HPSE2: variants seen among roughly 807,000 people sequenced by gnomAD.
The protein encoded by HPSE2 is heparanase 2 (inactive), also known as inactive heparanase-2.
In HPSE2, 38 loss-of-function variants were observed where a neutral mutation model predicts 60.5. That is an observed-to-expected ratio of 0.63 (90% CI 0.48 to 0.82). The LOEUF (loss-of-function observed/expected upper bound fraction) is 0.82. Ranked by LOEUF, HPSE2 falls within the 40% of genes least tolerant of loss-of-function variation. The probability of loss-of-function intolerance (pLI) is 0.00; values close to 1 mark genes in which losing one functional copy is unlikely to be tolerated. For synonymous variants in HPSE2, 295 were observed against 293.2 expected (o/e 1.01, Z -0.06); for missense variants, 713 against 740.4 (o/e 0.96, Z 0.43).
At chr10:98,582,360 T>G (rs1358568505) in intron 9 of HPSE2, among the ~76,000 whole-genome samples, 2 of 152,254 alleles carry the variant, frequency 1.3e-5, no homozygotes, top group Non-Finnish European at 2.9e-5. Context: ...TCAACTGTTT[T>G]AATACTATAA....
intron 9 of HPSE2, among the ~76,000 whole-genome samples, chr10:98,553,778 T>C (rs1200503006): frequency 6.6e-6 from 1 of 152,206 alleles, no homozygotes; most frequent in Non-Finnish European, 1.5e-5. Context: ...CTGTCACTGA[T>C]GATTGCTATT....
Position 98,490,116 on chromosome 10 carries a change from C to G in HPSE2, c.1401G>C (p.Lys467Asn). The G allele has an allele frequency of 6.2e-7, 1 of 1,614,236 alleles. No homozygotes were observed. Among genetic ancestry groups the G allele is most frequent in the Non-Finnish European group, 8.5e-7 (1 of 1,180,048 alleles). ...LAVHVAGLQR[K>N]PRPGRVIRDK... The stretch of plus-strand genomic sequence containing the variant: ...CCCGGATCACTCGGCCAGGCCGTGG[C>G]TTCCGCTGGAGCCCAGCCACATGCA... The change falls in exon 10 of 12, where the codon AAG becomes AAC. Residue 467 changes from lysine (K) to asparagine (N), a missense_variant. Lys to Asn is a moderately conservative substitution (Grantham distance 94, BLOSUM62 0). Coordinates refer to ENST00000370552, the MANE Select transcript of HPSE2 (RefSeq NM_021828.5).
At chr10:98,564,702 A>G (rs1944289323) in intron 9 of HPSE2, among the ~76,000 whole-genome samples, 1 of 152,196 alleles carries the variant, frequency 6.6e-6, no homozygotes, top group Admixed American at 6.5e-5. Flanking sequence ...GTTAAACTAA[A>G]CCAAACAAAC....
At chr10:99,026,039 A>G (rs1957370122) in intron 3 of HPSE2, among the ~76,000 whole-genome samples, 1 of 152,110 alleles carries the variant, frequency 6.6e-6, no homozygotes, top group South Asian at 2.1e-4. Context: ...CTAGAGGAAC[A>G]CAGGAAGGAA....
At position 98,990,286 on chromosome 10, in the gene HPSE2, G is replaced by A. The variant is rs991782037; in HGVS notation, c.610+153952C>T. Among the ~76,000 whole-genome samples, 3 of 152,206 alleles carry A rather than the reference G, an allele frequency of 2.0e-5. No individual in the cohort carries two copies. The East Asian group carries it at 5.8e-4, about 29-fold the overall frequency. ...AATCTGTATTTGTAGCCACTCTCCA[G>A]CACTAGCACCACTGCCTCAGCTCCA... On this transcript the variant is annotated intron_variant, in intron 3 of 11. Transcript: ENST00000370552.
At chr10:98,716,442 A>T (rs7100470) in intron 5 of HPSE2, among the ~76,000 whole-genome samples, 26,562 of 148,186 alleles carry the variant, frequency 0.18, 2,809 homozygotes, top group African/African-American at 0.26. Context: ...ATAATAATAA[A>T]AAATAAATAA....
intron 9 of HPSE2, among the ~76,000 whole-genome samples, chr10:98,587,672 T>C (rs1051889913): frequency 2.0e-5 from 3 of 152,316 alleles, no homozygotes; most frequent in South Asian, 2.1e-4. Flanking sequence ...TGAAACTAGA[T>C]GAACTTCAGT....
At chr10:99,175,202 C>A (rs890176867) in intron 2 of HPSE2, among the ~76,000 whole-genome samples, 3 of 152,222 alleles carry the variant, frequency 2.0e-5, no homozygotes, top group African/African-American at 7.2e-5. Flanking sequence ...TGGGCAGACA[C>A]CAAGCTAGCT....
chr10:99,265,049 T>C, the HPSE2 span, among the ~76,000 whole-genome samples: 187 of 152,182 alleles, frequency 1.2e-3, 5 homozygotes, highest in Non-Finnish European at 3.4e-4. Flanking sequence ...GACCTGCACA[T>C]ATACATCCAA....
In HPSE2 at chr10:99,180,488, C is replaced by A. The variant is rs188349209; in HGVS notation, c.449-36089G>T. On this transcript the variant is annotated intron_variant, in intron 2 of 11. Transcript: ENST00000370552. ...CAAAAGAAGACATTTATGCAGCCAA[C>A]AAACATATGAAAAAAAGCTCCTATC... is the stretch of plus-strand genomic sequence containing the variant. 2.0e-5 allele frequency among the ~76,000 whole-genome samples: 3 copies of A among 152,188 alleles called. No homozygotes were observed. In the East Asian group the frequency reaches 5.8e-4, roughly 29 times the overall value.
chr10:98,749,364 G>A (rs994060711), intron 3 of HPSE2, among the ~76,000 whole-genome samples: 2 of 151,344 alleles, frequency 1.3e-5, no homozygotes, highest in Non-Finnish European at 2.9e-5. Flanking sequence ...ACATATGCAT[G>A]CATATATATC....
At chr10:98,545,181 G>C (rs1249532008) in intron 9 of HPSE2, among the ~76,000 whole-genome samples, 1 of 151,858 alleles carries the variant, frequency 6.6e-6, no homozygotes, top group Non-Finnish European at 1.5e-5. Context: ...CAAACAAAAA[G>C]AGTCCAGGAC....
chr10:99,305,652 G>A, the HPSE2 span, among the ~76,000 whole-genome samples: 11 of 152,076 alleles, frequency 7.2e-5, no homozygotes, highest in Non-Finnish European at 1.6e-4. Context: ...TTACATGGCT[G>A]ATAACCAATA....
intron 9 of HPSE2, among the ~76,000 whole-genome samples, chr10:98,492,854 T>C: frequency 6.6e-6 from 1 of 152,248 alleles, no homozygotes; most frequent in East Asian, 1.9e-4. Flanking sequence ...ATCTTAACCA[T>C]TTTTAAGTGT....
At chr10:98,595,164 ATTTTTTTT>A (rs34509249) in intron 9 of HPSE2, among the ~76,000 whole-genome samples, 4 of 91,688 alleles carry the variant, frequency 4.4e-5, no homozygotes, top group Admixed American at 1.3e-4. Context: ...TATAAATGAG[ATTTTTTTT>A]TTTTTTTTTT....
intron 3 of HPSE2, among the ~76,000 whole-genome samples, chr10:98,757,371 AGAAGTGAG>A (rs1429830281): frequency 6.6e-6 from 1 of 152,074 alleles, no homozygotes; most frequent in Non-Finnish European, 1.5e-5. Flanking sequence ...CATCTAAATA[AGAAGTGAG>A]GAAGTTCAAA....
chr10:98,890,310 TG>T (rs1442780439), intron 3 of HPSE2, among the ~76,000 whole-genome samples: 4 of 152,082 alleles, frequency 2.6e-5, no homozygotes, highest in Admixed American at 1.3e-4. Context: ...AAAAAATAAC[TG>T]AAAAAAACCT....
At chr10:98,509,771 A>C (rs1296169923) in intron 9 of HPSE2, among the ~76,000 whole-genome samples, 2 of 152,146 alleles carry the variant, frequency 1.3e-5, no homozygotes. Context: ...AAGTGCTGAG[A>C]TTATAGGCGT....
At chr10:98,488,392 A>G (rs982405831) in intron 10 of HPSE2, among the ~76,000 whole-genome samples, 6 of 152,152 alleles carry the variant, frequency 3.9e-5, no homozygotes, top group Non-Finnish European at 8.8e-5. Flanking sequence ...GCCAGTCACT[A>G]TATTAGACAC....
Sources: allele counts gnomAD v4.1 joint callset (sites outside exome capture counted in the v4.1 genomes callset), GRCh38; gene constraint gnomAD v4.1.1; transcripts MANE v1.5; gene names NCBI Gene and HGNC (gene_info 2026-07-23, HGNC 2026-07-21).